The following ABHD4 variants were observed in gnomAD, a reference collection of about 807,000 sequenced individuals.
ABHD4 encodes (Lyso)-N-acylphosphatidylethanolamine lipase.
In ABHD4, 35 loss-of-function variants were observed where a neutral mutation model predicts 42.3. The observed-to-expected ratio is 0.83, with a 90% CI of 0.63 to 1.10. The LOEUF is 1.10. Among genes scored for constraint, ABHD4 ranks in the 50% least tolerant of loss-of-function variants. ABHD4 has a pLI of 0.00. For synonymous variants in ABHD4, 169 were observed against 170.6 expected, an observed-to-expected ratio of 0.99 and a Z score of 0.07; for missense variants, 389 against 454.8, an observed-to-expected ratio of 0.86 and a Z score of 1.32.
rs149807666 is a variant in ABHD4, at chr14:22,604,999, G to A, written c.640+920G>A. On this transcript the variant is annotated intron_variant, in intron 4 of 6. Coordinates refer to ENST00000428304, the MANE Select transcript of ABHD4 (RefSeq NM_022060.3). ...TGGTTCACCCAACACCTGCAGCAGG[G>A]AGAGGTCAGAACCAAAGCCTCCAAC... Among the ~76,000 whole-genome samples, 141 of 152,306 alleles carry A rather than the reference G, an allele frequency of 9.3e-4. 1 individual carries two copies. The Middle Eastern group carries it at 0.02, about 22-fold the overall frequency.
At chr14:22,605,886 G>A (rs1428477449) in intron 4 of ABHD4, 2 of 1,240,324 alleles carry the variant, frequency 1.6e-6, no homozygotes, top group African/African-American at 1.5e-5. Flanking sequence ...CCATAATGAG[G>A]TGAAACGAAC....
intron 6 of ABHD4, among the ~76,000 whole-genome samples, chr14:22,610,290 C>T (rs765129688): frequency 8.5e-5 from 13 of 152,124 alleles, no homozygotes; most frequent in Admixed American, 3.9e-4. Context: ...CTCCTGACCT[C>T]ACGTGATCCG....
Position 22,609,812 on chromosome 14 carries a change from G to A in ABHD4, c.841G>A (p.Val281Met), listed in dbSNP as rs375960127. Residue 281 changes from valine (V) to methionine (M), a missense_variant, in exon 6 of 7, where the codon GTG (valine) becomes ATG (methionine). Around this residue, in one of 3 missense-constraint regions of ABHD4, gnomAD observed 249 missense variants for 254.4 expected, o/e 0.98. Transcript: ENST00000428304. ...LERIHLIRKDVPITMIYGSDT... is the reference protein window; with the variant it reads ...LERIHLIRKDMPITMIYGSDT... ...GCGAATTCACTTGATTCGAAAAGATGTGCCTATCACTATGATCTACGGGTC... is the reference window on the plus strand; with the variant it reads ...GCGAATTCACTTGATTCGAAAAGATATGCCTATCACTATGATCTACGGGTC... 1 of 1,614,170 alleles carries A rather than the reference G, an allele frequency of 6.2e-7. No individual in the cohort carries two copies. Among genetic ancestry groups the A allele is most frequent in the Non-Finnish European group, 8.5e-7 (1 of 1,180,030 alleles).
chr14:22,610,268 G>T (rs1284720953), intron 6 of ABHD4, among the ~76,000 whole-genome samples: 1 of 152,120 alleles, frequency 6.6e-6, no homozygotes, highest in Admixed American at 6.5e-5. Context: ...TGTTGGTCAG[G>T]CTGGTCTCGA....
At chr14:22,607,420 A>G (rs1164010187) in intron 5 of ABHD4, among the ~76,000 whole-genome samples, 1 of 152,140 alleles carries the variant, frequency 6.6e-6, no homozygotes, top group African/African-American at 2.4e-5. Context: ...ACTCCTTTCT[A>G]GGGCTGTCCA....
At chr14:22,607,877 G>A (rs758606327) in intron 5 of ABHD4, among the ~76,000 whole-genome samples, 2 of 152,100 alleles carry the variant, frequency 1.3e-5, no homozygotes, top group African/African-American at 4.8e-5. Context: ...CCCAAACACC[G>A]TCACTCAATT....
Position 22,603,737 on chromosome 14 carries a change from T to G in ABHD4, c.460T>G (p.Ser154Ala), listed in dbSNP as rs2037314150. 6.3e-7 allele frequency: 1 copy of G among 1,587,306 alleles called. No individual in the cohort carries two copies. The highest frequency in any genetic ancestry group is 1.7e-5 in the Admixed American group (1 of 58,218). Residue 154 changes from serine to alanine, a missense_variant, in exon 3 of 7, where the codon TCT becomes GCT. By Grantham distance (99) the Ser-to-Ala change is moderately conservative. Coordinates refer to ENST00000428304, the MANE Select transcript of ABHD4 (RefSeq NM_022060.3). ...CAGTTTGGGAGGATTCCTGGCCACT[T>G]CTTACTCAATCAAGTACCCTGATAG... ...GHSLGGFLAT[S>A]YSIKYPDRVK...
rs761115425 is a variant in ABHD4 at position 22,603,553 on chromosome 14, T to C, written c.276T>C (p.Ser92=). Residue 92 remains serine (S), a synonymous_variant, in exon 3 of 7, where the codon AGT becomes AGC. Transcript: ENST00000428304. ...GGATCCTCAACATGGACTCACTGAG[T>C]GCCCGCCGCACACTGCACACCTTCG... ...GLWILNMDSL[S]ARRTLHTFDL... 5.6e-6 allele frequency: 9 copies of C among 1,614,142 alleles called. No individual in the cohort carries two copies. The South Asian group carries it at 9.9e-5, about 18-fold the overall frequency.
Position 22,606,296 on chromosome 14 carries a change from G to A in ABHD4, c.641-126G>A, listed in dbSNP as rs1594892746. 4.4e-6 allele frequency: 3 copies of A among 686,754 alleles called. No homozygotes were observed. In the East Asian group the frequency reaches 8.2e-5, roughly 19 times the overall value. The allele number at this position is 686,754 out of a possible 1,614,324, so 42.5% of individuals were successfully genotyped here. A position where few individuals can be genotyped will look rare whatever the true frequency, so the allele number is the denominator to read the frequency against. On this transcript the variant is annotated intron_variant, in intron 4 of 6. Transcript: ENST00000428304. ...TCTTTCTGCCGCTGTAGTGTTAAATGAATAAAGCAAACAAACCCTTAGGAG... is the reference window on the plus strand; with the variant it reads ...TCTTTCTGCCGCTGTAGTGTTAAATAAATAAAGCAAACAAACCCTTAGGAG...
At chr14:22,600,292 G>C in intron 1 of ABHD4, 2 of 428,364 alleles carry the variant, frequency 4.7e-6, no homozygotes, top group South Asian at 3.3e-5. Flanking sequence ...GTTATGTTCT[G>C]TGAATATTTG....
rs779043507 is a variant in ABHD4 at position 22,603,501 on chromosome 14, A to C, written c.224A>C (p.His75Pro). 1 of 1,614,146 alleles carries C rather than the reference A, an allele frequency of 6.2e-7. No homozygotes were observed. Among genetic ancestry groups the C allele is most frequent in the Admixed American group, 1.7e-5 (1 of 60,022 alleles). ...GACCGCACCCCCTTGGTGATGGTGC[A>C]TGGTTTTGGGGGCGGCGTGGGTCTC... ...QNDRTPLVMV[H>P]GFGGGVGLWI... is the part of the protein sequence containing the mutation. Residue 75 changes from histidine to proline, a missense_variant, in exon 3 of 7, where the codon CAT becomes CCT. Around this residue, in one of 3 missense-constraint regions of ABHD4, gnomAD observed 102 missense variants for 128.3 expected, o/e 0.80. Coordinates refer to ENST00000428304, the MANE Select transcript of ABHD4 (RefSeq NM_022060.3).
Position 22,606,502 on chromosome 14 carries a change from T to A in ABHD4, c.721T>A (p.Tyr241Asn). 6.2e-7 allele frequency: 1 copy of A among 1,613,256 alleles called. No homozygotes were observed. The highest frequency in any genetic ancestry group is 1.3e-5 in the African/African-American group (1 of 74,954). ...CTTTGAAGATGATACCATATCAGAG[T>A]ATATTTACCACTGCAACGCACAGAA... ...DFFEDDTISE[Y>N]IYHCNAQNPS... The change falls in exon 5 of 7, where the codon TAT becomes AAT. Residue 241 changes from tyrosine (Y) to asparagine (N), a missense_variant. Around this residue, in one of 3 missense-constraint regions of ABHD4, gnomAD observed 249 missense variants for 254.4 expected, o/e 0.98. Transcript: ENST00000428304.
rs777901042 is a variant in ABHD4 at position 22,603,578 on chromosome 14, G to A, written c.301G>A (p.Asp101Asn). 9 of 1,614,018 alleles carry A rather than the reference G, an allele frequency of 5.6e-6. No individual in the cohort carries two copies. The highest frequency in any genetic ancestry group is 5.0e-5 in the Admixed American group (3 of 59,996). ...LSARRTLHTF[D>N]LLGFGRSSRP... Reference sequence around the variant, plus strand: ...TGCCCGCCGCACACTGCACACCTTCGATCTGCTTGGCTTCGGGCGAAGCTC... The same window carrying A: ...TGCCCGCCGCACACTGCACACCTTCAATCTGCTTGGCTTCGGGCGAAGCTC... Residue 101 changes from aspartate (D) to asparagine (N), a missense_variant, in exon 3 of 7, where the codon GAT (aspartate) becomes AAT (asparagine). Asp to Asn is a conservative substitution (Grantham distance 23). This residue lies in a region of ABHD4 where 38 missense variants were observed against 72.1 expected (regional missense o/e 0.53). Transcript: ENST00000428304.
intron 2 of ABHD4, among the ~76,000 whole-genome samples, chr14:22,602,245 C>G (rs538876399): frequency 2.0e-4 from 30 of 152,314 alleles, no homozygotes; most frequent in African/African-American, 7.0e-4. Flanking sequence ...TGCAGACCAG[C>G]TGTCATCGGC....
intron 6 of ABHD4, 43 bp downstream of exon 6, chr14:22,609,953 C>T (rs758013240): frequency 6.3e-7 from 1 of 1,581,930 alleles, no homozygotes; most frequent in African/African-American, 1.3e-5. Flanking sequence ...GACTGAGAGT[C>T]AATCACCTCT....
rs576691397 is a variant in ABHD4, at chr14:22,604,951, G to A, written c.640+872G>A. ...AAAACCTGCTGGTGATTCATGCCCAGTAACCACTGGATCCCATCCCTGTGG... is the reference window on the plus strand; with the variant it reads ...AAAACCTGCTGGTGATTCATGCCCAATAACCACTGGATCCCATCCCTGTGG... On this transcript the variant is annotated intron_variant, in intron 4 of 6. Transcript: ENST00000428304. Among the ~76,000 whole-genome samples the A allele has an allele frequency of 2.6e-5, 4 of 152,320 alleles. No homozygotes were observed. In the East Asian group the frequency reaches 7.7e-4, roughly 29 times the overall value.
At chr14:22,607,263 G>A (rs1308770705) in intron 5 of ABHD4, among the ~76,000 whole-genome samples, 1 of 152,116 alleles carries the variant, frequency 6.6e-6, no homozygotes, top group East Asian at 1.9e-4. Flanking sequence ...CTACCTACCT[G>A]CAGTTTGGGC....
At chr14:22,605,186 T>A (rs1055009355) in intron 4 of ABHD4, among the ~76,000 whole-genome samples, 1 of 152,190 alleles carries the variant, frequency 6.6e-6, no homozygotes. Context: ...CTAGCCATAA[T>A]GAATAGTATC....
chr14:22,605,750 A>G (rs1477131536), intron 4 of ABHD4: 2 of 1,198,248 alleles, frequency 1.7e-6, no homozygotes, highest in African/African-American at 3.1e-5. Flanking sequence ...CCCCCAACCC[A>G]GCCCCTTCTT....
Sources: gnomAD v4.1 joint callset for allele counts (sites outside exome capture counted in the v4.1 genomes callset) on GRCh38, gnomAD v4.1.1 for gene constraint, gnomAD v4.1.1 regional missense constraint, MANE v1.5 for transcripts, NCBI Gene and HGNC (gene_info 2026-07-23, HGNC 2026-07-21) for gene names.